The following TP53BP1 variants were observed in gnomAD, a reference collection of about 807,000 sequenced individuals.
The protein encoded by TP53BP1 is TP53-binding protein 1.
In TP53BP1, 61 loss-of-function variants were observed where a neutral mutation model predicts 200.8. The ratio of observed to expected loss-of-function variants is 0.30; its 90% confidence interval spans 0.25 to 0.38. The LOEUF (loss-of-function observed/expected upper bound fraction) is 0.38, where lower values mean the gene tolerates loss of function less well. TP53BP1 is among the 10% of genes least tolerant of loss of function. The probability of loss-of-function intolerance (pLI) is 1.00; values close to 1 mark genes in which losing one functional copy is unlikely to be tolerated. For synonymous variants in TP53BP1, 822 were observed against 844.3 expected, an observed-to-expected ratio of 0.97 and a Z score of 0.46; for missense variants, 2,144 against 2,371.9, an observed-to-expected ratio of 0.90 and a Z score of 2.00.
At chr15:43,442,815 C>CT (rs71111818) in intron 14 of TP53BP1, among the ~76,000 whole-genome samples, 1,234 of 61,068 alleles carry the variant, frequency 0.02, 120 homozygotes, top group African/African-American at 0.045. Context: ...CAGTAATATT[C>CT]TTTTTTTTTT....
chr15:43,468,234 T>C (rs755460030), intron 11 of TP53BP1, among the ~76,000 whole-genome samples: 1 of 151,944 alleles, frequency 6.6e-6, no homozygotes, highest in Non-Finnish European at 1.5e-5. Flanking sequence ...TATGTTCACA[T>C]ATAACTTAGA....
At chr15:43,436,304 T>A (rs974481048) in intron 16 of TP53BP1, among the ~76,000 whole-genome samples, 1 of 152,152 alleles carries the variant, frequency 6.6e-6, no homozygotes, top group Non-Finnish European at 1.5e-5. Flanking sequence ...GTTACTGATA[T>A]ACCTACTGAC....
In TP53BP1 at chr15:43,500,608, T is replaced by A. The variant is rs536090723; in HGVS notation, c.-8-8140A>T. On this transcript the variant is annotated intron_variant, in intron 1 of 27. Coordinates refer to the TP53BP1 transcript ENST00000263801. ...GCTGAGGTGGGTGGACCACCTGAGG[T>A]CAGAAGTTTAAGACCAGCCTGGCCA... 1.7e-4 allele frequency among the ~76,000 whole-genome samples: 26 copies of A among 151,850 alleles called. No individual in the cohort carries two copies. The East Asian group carries it at 3.9e-3, about 23-fold the overall frequency.
At chr15:43,435,467 C>T (rs909158153) in intron 16 of TP53BP1, among the ~76,000 whole-genome samples, 6 of 151,868 alleles carry the variant, frequency 4.0e-5, no homozygotes, top group Admixed American at 6.6e-5. Flanking sequence ...TATTTTAAAA[C>T]GCTTTAATAA....
intron 4 of TP53BP1, among the ~76,000 whole-genome samples, chr15:43,481,736 A>G (rs2078970547): frequency 6.6e-6 from 1 of 150,494 alleles, no homozygotes; most frequent in African/African-American, 2.4e-5. Context: ...AATTGCTCGA[A>G]CCCAGGAGGC....
chr15:43,491,881 C>A, intron 3 of TP53BP1, 121 bp downstream of exon 3: 1 of 1,058,708 alleles, frequency 9.4e-7, no homozygotes. Flanking sequence ...GACTACTACG[C>A]AGATACCACA....
At chr15:43,489,633 G>A (rs920412296) in intron 4 of TP53BP1, among the ~76,000 whole-genome samples, 1 of 152,206 alleles carries the variant, frequency 6.6e-6, no homozygotes, top group Non-Finnish European at 1.5e-5. Context: ...AGCAGAGGCT[G>A]ACTGCTACTC....
At position 43,456,230 on chromosome 15, in the gene TP53BP1, T is replaced by C; in HGVS notation, c.2378A>G (p.Glu793Gly). Residue 793 changes from glutamate (E) to glycine (G), a missense_variant, in exon 12 of 28, where the codon GAG becomes GGG. By Grantham distance (98) the Glu-to-Gly change is moderately conservative. Around this residue, in one of 4 missense-constraint regions of TP53BP1, gnomAD observed 1,700 missense variants for 1,710.3 expected, o/e 0.99. Coordinates refer to ENST00000382044, the MANE Select transcript of TP53BP1 (RefSeq NM_001141980.3). ...VEKCSDSQSW[E>G]DIAPEIEPCA... is the part of the protein sequence containing the mutation. ...TGGTTCTATTTCTGGAGCAATATCC[T>C]CCCATGACTGGGAATCTGAGCACTT... 2 of 1,614,186 alleles carry C rather than the reference T, an allele frequency of 1.2e-6. No homozygotes were observed. The highest frequency in any genetic ancestry group is 1.7e-6 in the Non-Finnish European group (2 of 1,180,032).
Position 43,479,459 on chromosome 15 carries a change from A to C in TP53BP1, c.726T>G (p.Pro242=). 1 of 1,613,922 alleles carries C rather than the reference A, an allele frequency of 6.2e-7. No homozygotes were observed. The highest frequency in any genetic ancestry group is 8.5e-7 in the Non-Finnish European group (1 of 1,179,932). Residue 242 remains proline (P), a synonymous_variant, in exon 7 of 28, where the codon CCT becomes CCG. Transcript: ENST00000382044. ...PIAEQSSKDI[P]VTAQPSKDVH... is the part of the protein sequence containing the mutation. ...CATCCTTACTGGGCTGTGCTGTCACAGGGATGTCCTTGCTGGACTGTTCTG... is the reference window on the plus strand; with the variant it reads ...CATCCTTACTGGGCTGTGCTGTCACCGGGATGTCCTTGCTGGACTGTTCTG...
chr15:43,420,898 T>G (rs947625981), intron 20 of TP53BP1, 127 bp downstream of exon 20: 5 of 1,357,376 alleles, frequency 3.7e-6, no homozygotes, highest in Non-Finnish European at 5.0e-6. Flanking sequence ...CTCTGATCCC[T>G]GCCCACTCCC....
At chr15:43,497,495 C>T, upstream of TP53BP1, 1 of 980,256 alleles carries the variant, frequency 1.0e-6, no homozygotes, top group South Asian at 4.7e-5. Flanking sequence ...TCTTCTCTAC[C>T]ATCTCAGCTT....
intron 1 of TP53BP1, among the ~76,000 whole-genome samples, chr15:43,505,193 A>C (rs2079229816): frequency 6.6e-6 from 1 of 152,242 alleles, no homozygotes. Context: ...ATATTTCTTC[A>C]ACCCAAGCAT....
At position 43,492,344 on chromosome 15, in the gene TP53BP1, G is replaced by T; in HGVS notation, c.132C>A (p.His44Gln). Residue 44 changes from histidine to glutamine, a missense_variant, in exon 2 of 28, where the codon CAC becomes CAA. By Grantham distance (24) the His-to-Gln change is conservative. Around this residue, in one of 4 missense-constraint regions of TP53BP1, gnomAD observed 1,700 missense variants for 1,710.3 expected, o/e 0.99. Coordinates refer to ENST00000382044, the MANE Select transcript of TP53BP1 (RefSeq NM_001141980.3). ...SQVLEDDSGS[H>Q]FSMLSRHLPN... ...GAAGGTGTCGAGATAGCATACTGAA[G>T]TGAGAACCAGAATCATCCTCTAGAA... is the stretch of plus-strand genomic sequence containing the variant. 6.2e-7 allele frequency: 1 copy of T among 1,614,154 alleles called. No individual in the cohort carries two copies. The highest frequency in any genetic ancestry group is 8.5e-7 in the Non-Finnish European group (1 of 1,180,010).
At chr15:43,463,830 T>C (rs748989980) in intron 11 of TP53BP1, among the ~76,000 whole-genome samples, 79 of 152,266 alleles carry the variant, frequency 5.2e-4, no homozygotes, top group Non-Finnish European at 7.6e-4. Flanking sequence ...GAGGCACAGT[T>C]ATCAGGAAGT....
intron 12 of TP53BP1, among the ~76,000 whole-genome samples, chr15:43,451,647 G>A (rs903933606): frequency 2.7e-4 from 41 of 152,224 alleles, no homozygotes; most frequent in Middle Eastern, 3.4e-3. Flanking sequence ...ATAAACATAC[G>A]TCTGCATGTG....
chr15:43,440,908 A>G (rs538594185), intron 15 of TP53BP1, among the ~76,000 whole-genome samples: 5 of 152,282 alleles, frequency 3.3e-5, no homozygotes, highest in South Asian at 2.1e-4. Context: ...AAAAGAAAAT[A>G]AAAGAAGAAT....
At position 43,479,474 on chromosome 15, in the gene TP53BP1, G is replaced by A. The variant is rs200332282; in HGVS notation, c.711C>T (p.Ser237=). 60 of 1,613,694 alleles carry A rather than the reference G, an allele frequency of 3.7e-5. No individual in the cohort carries two copies. The highest frequency in any genetic ancestry group is 1.4e-5 in the Non-Finnish European group (16 of 1,179,904). ...GTGCTGTCACAGGGATGTCCTTGCT[G>A]GACTGTTCTGCTATGGGGATATCTT... The part of the protein sequence containing the change: ...SNEDIPIAEQ[S]SKDIPVTAQP... The change falls in exon 7 of 28, where the codon TCC becomes TCT. Residue 237 remains serine, a synonymous_variant. Transcript: ENST00000382044.
chr15:43,456,875 T>A lies in TP53BP1; in HGVS notation c.1733A>T (p.Gln578Leu), dbSNP rs1290580291. Residue 578 changes from glutamine (Q) to leucine (L), a missense_variant, in exon 12 of 28, where the codon CAG (glutamine) becomes CTG (leucine). By Grantham distance (113) the Gln-to-Leu change is moderately radical. Transcript: ENST00000382044. ...ENDSILMNPA[Q>L]DGEVQLSQND... ...CTGACTCAGTTGTACTTCACCATCC[T>A]GTGCTGGATTCATCAGGATACTATC... The A allele has an allele frequency of 6.2e-7, 1 of 1,614,104 alleles. No homozygotes were observed. Among genetic ancestry groups the A allele is most frequent in the Non-Finnish European group, 8.5e-7 (1 of 1,180,052 alleles).
chr15:43,482,680 A>G (rs2078990361), intron 4 of TP53BP1, among the ~76,000 whole-genome samples: 1 of 152,116 alleles, frequency 6.6e-6, no homozygotes, highest in Admixed American at 6.5e-5. Flanking sequence ...AGGCAGGAGA[A>G]TTGCTTGAAC....
Sources: allele counts gnomAD v4.1 joint callset (sites outside exome capture counted in the v4.1 genomes callset), GRCh38; gene constraint gnomAD v4.1.1; regional missense constraint gnomAD v4.1.1; transcripts MANE v1.5; gene names NCBI Gene and HGNC (gene_info 2026-07-23, HGNC 2026-07-21).